Variants in MYRIP observed in about 807,000 individuals in gnomAD.
MYRIP encodes the protein rab effector MyRIP.
In MYRIP, 49 loss-of-function variants were observed where a neutral mutation model predicts 98.0. The ratio of observed to expected loss-of-function variants is 0.50; its 90% CI spans 0.40 to 0.63. MYRIP has a LOEUF of 0.63. MYRIP is among the 30% of genes least tolerant of loss of function. The pLI, the probability that MYRIP is intolerant of heterozygous loss-of-function variation, is 0.00. For synonymous variants in MYRIP, 404 were observed against 409.5 expected, an observed-to-expected ratio of 0.99 and a Z score of 0.16; for missense variants, 1,004 against 1,058.2, an observed-to-expected ratio of 0.95 and a Z score of 0.71.
intron 3 of MYRIP, among the ~76,000 whole-genome samples, chr3:40,141,711 C>T (rs1049206157): frequency 6.6e-6 from 1 of 152,132 alleles, no homozygotes; most frequent in Non-Finnish European, 1.5e-5. Context: ...TGTCCTTTCT[C>T]CAGTGAGTGT....
intron 10 of MYRIP, among the ~76,000 whole-genome samples, chr3:40,206,170 A>G (rs1458727191): frequency 1.3e-5 from 2 of 152,280 alleles, no homozygotes; most frequent in South Asian, 2.1e-4. Context: ...TGTCTCAGCT[A>G]TCATGAAAAT....
chr3:40,215,196 C>T, intron 11 of MYRIP, among the ~76,000 whole-genome samples: 1 of 152,022 alleles, frequency 6.6e-6, no homozygotes. Flanking sequence ...TATTAATTAT[C>T]ACAAGTAGCT....
Position 39,928,364 on chromosome 3 carries a change from CA to C in MYRIP, c.110+27448del, listed in dbSNP as rs1353632155. On this transcript the variant is annotated intron_variant, in intron 2 of 16. Transcript: ENST00000302541. ...TGATGCCAAAGAAACAAAGACAGTA[CA>C]AAAAAAAAAGATAAAGGGAGAAAAT... is the stretch of plus-strand genomic sequence containing the variant. Among the ~76,000 whole-genome samples the C allele has an allele frequency of 1.0e-3, 145 of 143,008 alleles. 2 individuals are homozygous for C. The highest frequency in any genetic ancestry group is 3.5e-3 in the Middle Eastern group (1 of 286). The allele number at this position is 143,008 out of a possible 152,430, so 93.8% of individuals were successfully genotyped here.
At chr3:39,997,719 G>T (rs946514983) in intron 2 of MYRIP, among the ~76,000 whole-genome samples, 1 of 152,140 alleles carries the variant, frequency 6.6e-6, no homozygotes, top group Non-Finnish European at 1.5e-5. Context: ...AAGCCTGGCA[G>T]AGACACAACA....
rs576799017 is a variant in MYRIP at position 39,904,535 on chromosome 3, C to G, written c.110+3609C>G. 1.2e-3 allele frequency among the ~76,000 whole-genome samples: 185 copies of G among 152,092 alleles called. 1 individual carries two copies. The highest frequency in any genetic ancestry group is 3.7e-3 in the Admixed American group (56 of 15,288). ...ACAGCCATGAGCCACTGCGCCTGGT[C>G]GTGTTTTTTTTTATTTCCCAAAAGC... On this transcript the variant is annotated intron_variant, in intron 2 of 16. Transcript: ENST00000302541.
intron 9 of MYRIP, among the ~76,000 whole-genome samples, chr3:40,185,570 A>C (rs1484572097): frequency 6.6e-6 from 1 of 152,184 alleles, no homozygotes; most frequent in East Asian, 1.9e-4. Context: ...CAAAGTTTTC[A>C]CATGTCTGGG....
chr3:39,891,347 C>A (rs1284463197), intron 1 of MYRIP, among the ~76,000 whole-genome samples: 2 of 150,912 alleles, frequency 1.3e-5, no homozygotes, highest in Non-Finnish European at 3.0e-5. Context: ...ATTTTTTTTT[C>A]TTTTAACTAT....
chr3:39,830,214 T>C (rs1941399727), intron 1 of MYRIP, among the ~76,000 whole-genome samples: 1 of 152,136 alleles, frequency 6.6e-6, no homozygotes, highest in Non-Finnish European at 1.5e-5. Context: ...ACTTCACTTA[T>C]CTCTTTAGGG....
At position 40,144,689 on chromosome 3, in the gene MYRIP, C is replaced by T. The variant is rs186368705; in HGVS notation, c.333-6359C>T. Among the ~76,000 whole-genome samples the T allele has an allele frequency of 2.6e-5, 4 of 152,320 alleles. No individual in the cohort carries two copies. In the East Asian group the frequency reaches 5.8e-4, roughly 22 times the overall value. Reference sequence around the variant, plus strand: ...GCCCAGAGGGCGTGATTTCTAGAAGCAAGGCTTTCTGTATTTCCTTTATTT... The same window carrying T: ...GCCCAGAGGGCGTGATTTCTAGAAGTAAGGCTTTCTGTATTTCCTTTATTT... On this transcript the variant is annotated intron_variant, in intron 3 of 16. Transcript: ENST00000302541.
intron 3 of MYRIP, among the ~76,000 whole-genome samples, chr3:40,103,327 A>G (rs573481866): frequency 8.3e-4 from 126 of 152,192 alleles, no homozygotes; most frequent in South Asian, 7.1e-3. Flanking sequence ...TGCCCCAAGA[A>G]CTCTCATACA....
At chr3:39,888,950 A>G (rs1185729348) in intron 1 of MYRIP, among the ~76,000 whole-genome samples, 4 of 152,206 alleles carry the variant, frequency 2.6e-5, no homozygotes, top group Non-Finnish European at 4.4e-5. Flanking sequence ...ACTGGCCATC[A>G]GAGAAATGCA....
At chr3:40,116,266 C>G (rs2125906372) in intron 3 of MYRIP, among the ~76,000 whole-genome samples, 1 of 152,232 alleles carries the variant, frequency 6.6e-6, no homozygotes, top group East Asian at 1.9e-4. Flanking sequence ...GCATTCACAC[C>G]TCCTCCATGA....
chr3:40,193,599 G>A (rs1019662978), intron 10 of MYRIP, among the ~76,000 whole-genome samples: 4 of 152,192 alleles, frequency 2.6e-5, no homozygotes, highest in Admixed American at 6.5e-5. Flanking sequence ...CTGCTGACTG[G>A]AGGAGTATAT....
chr3:40,052,985 A>G (rs1209945012), intron 3 of MYRIP, among the ~76,000 whole-genome samples: 1 of 152,184 alleles, frequency 6.6e-6, no homozygotes. Flanking sequence ...TATTAGGAGT[A>G]ATCATTCTTT....
At chr3:40,081,643 CTAAT>C (rs1227421049) in intron 3 of MYRIP, among the ~76,000 whole-genome samples, 1 of 152,132 alleles carries the variant, frequency 6.6e-6, no homozygotes, top group Admixed American at 6.5e-5. Flanking sequence ...TTAAATGAAA[CTAAT>C]TAATATATTC....
chr3:39,975,403 C>T (rs1364633157), intron 2 of MYRIP, among the ~76,000 whole-genome samples: 3 of 151,858 alleles, frequency 2.0e-5, no homozygotes, highest in South Asian at 4.2e-4. Flanking sequence ...AAAGAGGATA[C>T]AAACAAATGG....
At chr3:39,897,730 G>A (rs1383682165) in intron 1 of MYRIP, among the ~76,000 whole-genome samples, 1 of 152,090 alleles carries the variant, frequency 6.6e-6, no homozygotes, top group Admixed American at 6.5e-5. Context: ...GTAGAAAAAG[G>A]AAGAAGCTTT....
intron 3 of MYRIP, among the ~76,000 whole-genome samples, chr3:40,089,437 A>G (rs1948697764): frequency 6.6e-6 from 1 of 152,136 alleles, no homozygotes; most frequent in Admixed American, 6.5e-5. Flanking sequence ...ATCCTTTTTC[A>G]TTTACAACCC....
chr3:39,876,004 G>C (rs1037065569), intron 1 of MYRIP, among the ~76,000 whole-genome samples: 1 of 152,000 alleles, frequency 6.6e-6, no homozygotes, highest in African/African-American at 2.4e-5. Context: ...CTCAGGACTT[G>C]CTTTATGAAT....
Sources: allele counts gnomAD v4.1 joint callset (sites outside exome capture counted in the v4.1 genomes callset), GRCh38; gene constraint gnomAD v4.1.1; transcripts MANE v1.5; gene names NCBI Gene and HGNC (gene_info 2026-07-23, HGNC 2026-07-21).